Variants in TBC1D2 observed in about 807,000 individuals in gnomAD.
TBC1D2 encodes TBC1 domain family member 2A.
TBC1D2 carries 58 observed loss-of-function variants against 91.1 expected under a neutral mutation model. That is an observed-to-expected ratio of 0.64 (90% CI 0.52 to 0.79). The LOEUF is 0.79. Among genes scored for constraint, TBC1D2 ranks in the 30% least tolerant of loss-of-function variants. The probability of loss-of-function intolerance (pLI) is 0.00; values close to 1 mark genes in which losing one functional copy is unlikely to be tolerated. For missense variants in TBC1D2, 1,080 were observed against 1,208.3 expected, an observed-to-expected ratio of 0.89 and a Z score of 1.57; for synonymous variants, 482 against 511.5, an observed-to-expected ratio of 0.94 and a Z score of 0.78.
At chr9:98,250,462 G>A (rs967725326) in intron 2 of TBC1D2, among the ~76,000 whole-genome samples, 9 of 151,480 alleles carry the variant, frequency 5.9e-5, no homozygotes, top group African/African-American at 2.2e-4. Context: ...CTGGGCAGTG[G>A]CAGCGAGAAA....
At position 98,201,623 on chromosome 9, in the gene TBC1D2, C is replaced by T. The variant is rs755793313; in HGVS notation, c.2313G>A (p.Leu771=). ...RVLQDLLSEK[L]PRLMAHLGQH... ...GCCCCAGATGGGCCATCAGCCTGGG[C>T]AGCTTCTCCGAGAGCAGGTCCTGGA... The change falls in exon 11 of 13, where the codon CTG becomes CTA. Residue 771 remains leucine, a synonymous_variant. Transcript: ENST00000465784. 7 of 1,613,878 alleles carry T rather than the reference C, an allele frequency of 4.3e-6. No individual in the cohort carries two copies. The East Asian group carries it at 1.6e-4, about 36-fold the overall frequency.
chr9:98,233,875 A>G (rs1829437395), intron 3 of TBC1D2, among the ~76,000 whole-genome samples: 1 of 152,232 alleles, frequency 6.6e-6, no homozygotes, highest in Non-Finnish European at 1.5e-5. Context: ...TGATGCACCT[A>G]CAATGCCTAA....
intron 10 of TBC1D2, among the ~76,000 whole-genome samples, chr9:98,202,624 GA>G (rs1564230520): frequency 6.6e-6 from 1 of 152,244 alleles, no homozygotes; most frequent in Non-Finnish European, 1.5e-5. Flanking sequence ...GACAAAGCAG[GA>G]GGAGCGGATG....
At position 98,201,521 on chromosome 9, in the gene TBC1D2, G is replaced by T; in HGVS notation, c.2415C>A (p.Ile805=). The change falls in exon 11 of 13, where the codon ATC becomes ATA. Residue 805 remains isoleucine, a synonymous_variant. Transcript: ENST00000465784. ...GGAAGGCATCCCAGACCCGAAGGAG[G>T]ATGTTGCTAATGAGACTGTCCGCAA... The part of the protein sequence containing the change: ...VVFADSLISN[I]LLRVWDAFLY... The T allele has an allele frequency of 1.9e-6, 3 of 1,614,128 alleles. No homozygotes were observed. Among genetic ancestry groups the T allele is most frequent in the Non-Finnish European group, 2.5e-6 (3 of 1,180,014 alleles).
intron 6 of TBC1D2, among the ~76,000 whole-genome samples, chr9:98,216,060 C>T (rs578249061): frequency 7.2e-5 from 11 of 152,354 alleles, no homozygotes; most frequent in African/African-American, 1.4e-4. Context: ...ATGAATGCTG[C>T]GGGCACGCTG....
At chr9:98,249,683 C>T (rs1034559599) in intron 2 of TBC1D2, among the ~76,000 whole-genome samples, 1 of 152,146 alleles carries the variant, frequency 6.6e-6, no homozygotes, top group Non-Finnish European at 1.5e-5. Context: ...ATAAAAGGAA[C>T]AGTTATTATA....
At chr9:98,250,883 T>C (rs1735187505) in intron 2 of TBC1D2, among the ~76,000 whole-genome samples, 1 of 152,162 alleles carries the variant, frequency 6.6e-6, no homozygotes, top group South Asian at 2.1e-4. Flanking sequence ...GAGGGTGTGG[T>C]CTCCTGGACT....
At position 98,255,249 on chromosome 9, in the gene TBC1D2, G is replaced by C; in HGVS notation, c.293C>G (p.Ala98Gly). The change falls in exon 1 of 13, where the codon GCA (alanine) becomes GGA (glycine). Residue 98 changes from alanine to glycine, a missense_variant. Ala to Gly is a moderately conservative substitution (Grantham distance 60, BLOSUM62 0). Coordinates refer to ENST00000465784, the MANE Select transcript of TBC1D2 (RefSeq NM_001267571.2). Reference protein sequence around the residue: ...NPLDSIDLSSAVFDCKADAEE... With the variant: ...NPLDSIDLSSGVFDCKADAEE... Reference sequence around the variant, plus strand: ...AGCGTCCGCCTTACAGTCAAACACTGCACTGGAGAGGTCGATGCTGTCCAA... The same window carrying C: ...AGCGTCCGCCTTACAGTCAAACACTCCACTGGAGAGGTCGATGCTGTCCAA... 6.2e-7 allele frequency: 1 copy of C among 1,614,210 alleles called. No homozygotes were observed. The highest frequency in any genetic ancestry group is 8.5e-7 in the Non-Finnish European group (1 of 1,180,034).
intron 9 of TBC1D2, among the ~76,000 whole-genome samples, chr9:98,204,231 A>G (rs1828589398): frequency 6.6e-6 from 1 of 152,184 alleles, no homozygotes; most frequent in Non-Finnish European, 1.5e-5. Context: ...TGGTCTCCCA[A>G]GATGCTAGGT....
chr9:98,255,643 C>T lies in TBC1D2; in HGVS notation c.-102G>A. 3 of 1,349,580 alleles carry T rather than the reference C, an allele frequency of 2.2e-6. No homozygotes were observed. The highest frequency in any genetic ancestry group is 2.9e-6 in the Non-Finnish European group (3 of 1,050,542). 83.6% of individuals were successfully genotyped at this position (1,349,580 alleles called of 1,614,324 possible). A position where few individuals can be genotyped will look rare whatever the true frequency, so the allele number is the denominator to read the frequency against. On this transcript the variant is annotated 5_prime_UTR_variant, in exon 1 of 13. Transcript: ENST00000465784. ...AGCTTCCCAAAGGGAGACACCTGGG[C>T]GGGGGCGGGGCCGACGGCGAACCCG...
chr9:98,251,809 C>T lies in TBC1D2; in HGVS notation c.487G>A (p.Gly163Arg). 9 of 1,602,138 alleles carry T rather than the reference C, an allele frequency of 5.6e-6. No homozygotes were observed. The highest frequency in any genetic ancestry group is 7.7e-6 in the Non-Finnish European group (9 of 1,175,176). The stretch of plus-strand genomic sequence containing the variant: ...CCTAGCTCGAGGTGCAGGACGGGCC[C>T]ATTCCCAGCCAGGGCGGCATCAGGG... ...ATPDAALAGN[G>R]PVLHLELGQE... The change falls in exon 2 of 13, where the codon GGG (glycine) becomes AGG (arginine). Residue 163 changes from glycine (G) to arginine (R), a missense_variant. Coordinates refer to ENST00000465784, the MANE Select transcript of TBC1D2 (RefSeq NM_001267571.2).
intron 2 of TBC1D2, 109 bp from the exon 3 acceptor site, chr9:98,244,238 A>G: frequency 1.4e-6 from 2 of 1,463,828 alleles, no homozygotes; most frequent in Admixed American, 2.3e-5. Flanking sequence ...CTGGAGTTGG[A>G]GAGTTGCAGG....
Position 98,233,561 on chromosome 9 carries a change from C to G in TBC1D2, c.648-12G>C, listed in dbSNP as rs1249261521. The stretch of plus-strand genomic sequence containing the variant: ...TGTGCATTGTGTTCCTGAAAGGAGA[C>G]AAGAACAGAGGAGCATGAGGCTGAA... On this transcript the variant is annotated splice_polypyrimidine_tract_variant and intron_variant, in intron 3 of 12. Transcript: ENST00000465784. The G allele has an allele frequency of 6.2e-7, 1 of 1,613,590 alleles. No individual in the cohort carries two copies. Among genetic ancestry groups the G allele is most frequent in the South Asian group, 1.1e-5 (1 of 91,014 alleles).
At chr9:98,240,079 TA>T (rs2131272034) in intron 3 of TBC1D2, among the ~76,000 whole-genome samples, 1 of 152,288 alleles carries the variant, frequency 6.6e-6, no homozygotes, top group South Asian at 2.1e-4. Context: ...TCTGCCTAGC[TA>T]AAGGTTTGTC....
chr9:98,232,942 T>C lies in TBC1D2; in HGVS notation c.781+474A>G, dbSNP rs971114208. ...AAGTGGTTCTCCTGCCTCAGCCTCCTGAGTAGCTGGAATTGTAGGCACTGG... is the reference window on the plus strand; with the variant it reads ...AAGTGGTTCTCCTGCCTCAGCCTCCCGAGTAGCTGGAATTGTAGGCACTGG... On this transcript the variant is annotated intron_variant, in intron 4 of 12. Transcript: ENST00000465784. Among the ~76,000 whole-genome samples the C allele has an allele frequency of 2.6e-5, 4 of 152,004 alleles. No individual in the cohort carries two copies. The East Asian group carries it at 7.8e-4, about 29-fold the overall frequency.
At position 98,199,556 on chromosome 9, in the gene TBC1D2, T is replaced by TTCATG; in HGVS notation, c.2607_2611dup (p.Asn871ThrfsTer2). 6.2e-7 allele frequency: 1 copy of TTCATG among 1,613,870 alleles called. No homozygotes were observed. The highest frequency in any genetic ancestry group is 2.2e-5 in the East Asian group (1 of 44,864). On this transcript the variant is annotated stop_gained and frameshift_variant, in exon 13 of 13. Transcript: ENST00000465784. LOFTEE classifies it low-confidence loss of function (END_TRUNC). ...CCGCAGCTGTTTCATGCGGAAGGGG[T>TTCATG]TCATGTCATTGAAGGCGATGTTCAT...
intron 2 of TBC1D2, among the ~76,000 whole-genome samples, chr9:98,249,838 G>A (rs1271617124): frequency 6.6e-6 from 1 of 152,060 alleles, no homozygotes; most frequent in African/African-American, 2.4e-5. Flanking sequence ...TGTGCCTGAG[G>A]TTATGCTAAG....
intron 6 of TBC1D2, among the ~76,000 whole-genome samples, chr9:98,218,444 G>A (rs1336455387): frequency 6.6e-6 from 1 of 152,038 alleles, no homozygotes; most frequent in East Asian, 1.9e-4. Context: ...GCGGGCACCT[G>A]TAGTCCCAGC....
rs930081533 is a variant in TBC1D2, at chr9:98,233,565, A to C, written c.648-16T>G. 1 of 1,613,436 alleles carries C rather than the reference A, an allele frequency of 6.2e-7. No individual in the cohort carries two copies. Among genetic ancestry groups the C allele is most frequent in the Non-Finnish European group, 8.5e-7 (1 of 1,179,706 alleles). On this transcript the variant is annotated splice_polypyrimidine_tract_variant and intron_variant, in intron 3 of 12. Transcript: ENST00000465784. ...CATTGTGTTCCTGAAAGGAGACAAG[A>C]ACAGAGGAGCATGAGGCTGAACCCT...
Sources: allele counts gnomAD v4.1 joint callset (sites outside exome capture counted in the v4.1 genomes callset), GRCh38; gene constraint gnomAD v4.1.1; transcripts MANE v1.5; gene names NCBI Gene and HGNC (gene_info 2026-07-23, HGNC 2026-07-21).